The following MRPS35 variants were observed in gnomAD, a reference collection of about 807,000 sequenced individuals.
MRPS35 encodes the protein small ribosomal subunit protein mS35.
Under a neutral mutation model 32.7 loss-of-function variants are expected in MRPS35, and 29 were observed. That is an observed-to-expected ratio of 0.89 (90% CI 0.66 to 1.21). The LOEUF (loss-of-function observed/expected upper bound fraction) is 1.21, where lower values mean the gene tolerates loss of function less well. Among genes scored for constraint, MRPS35 ranks in the 50% most tolerant of loss-of-function variants. The probability of loss-of-function intolerance (pLI) is 0.00; values close to 1 mark genes in which losing one functional copy is unlikely to be tolerated. For synonymous variants in MRPS35, 148 were observed against 139.3 expected (o/e 1.06, Z -0.44); for missense variants, 373 against 383.8 (o/e 0.97, Z 0.23).
At chr12:27,712,219 G>A (rs2061829511) in intron 1 of MRPS35, among the ~76,000 whole-genome samples, 2 of 152,152 alleles carry the variant, frequency 1.3e-5, no homozygotes, top group Non-Finnish European at 1.5e-5. Flanking sequence ...AACAATCTGA[G>A]GGGTGTGATC....
intron 5 of MRPS35, among the ~76,000 whole-genome samples, chr12:27,734,217 TC>T (rs1330186887): frequency 3.3e-5 from 5 of 151,946 alleles, no homozygotes; most frequent in African/African-American, 1.2e-4. Flanking sequence ...TTAACTGTAT[TC>T]TGGTGTGTAA....
At chr12:27,735,660 G>C (rs568460172) in intron 6 of MRPS35, 104 bp downstream of exon 6, 102 of 804,452 alleles carry the variant, frequency 1.3e-4, no homozygotes, top group Admixed American at 1.2e-3. Context: ...ATGGGGGAGG[G>C]CGTAGCCTTT....
At chr12:27,723,617 A>G (rs1472533376) in intron 4 of MRPS35, among the ~76,000 whole-genome samples, 5 of 149,618 alleles carry the variant, frequency 3.3e-5, no homozygotes, top group South Asian at 2.1e-4. Context: ...AGAGCTTTCA[A>G]TTCCTTTCAG....
At chr12:27,715,408 T>G (rs2061845598) in intron 2 of MRPS35, among the ~76,000 whole-genome samples, 1 of 152,194 alleles carries the variant, frequency 6.6e-6, no homozygotes, top group Admixed American at 6.5e-5. Flanking sequence ...ATTACAGGCG[T>G]GAGCTACTGC....
chr12:27,712,897 A>G (rs920616143), intron 1 of MRPS35, among the ~76,000 whole-genome samples: 1 of 152,192 alleles, frequency 6.6e-6, no homozygotes, highest in Admixed American at 6.5e-5. Context: ...CCATGCCTGT[A>G]GTTCCAGCTA....
chr12:27,719,598 G>A (rs1435413578), intron 3 of MRPS35, among the ~76,000 whole-genome samples: 3 of 151,412 alleles, frequency 2.0e-5, no homozygotes, highest in Admixed American at 1.3e-4. Flanking sequence ...CCCGGGAAGC[G>A]GAGCTTGCAG....
intron 5 of MRPS35, among the ~76,000 whole-genome samples, chr12:27,724,756 A>G (rs1328268027): frequency 6.6e-6 from 1 of 151,730 alleles, no homozygotes; most frequent in Non-Finnish European, 1.5e-5. Context: ...AAAAAAAAAA[A>G]TTACAAAATT....
intron 7 of MRPS35, among the ~76,000 whole-genome samples, chr12:27,751,513 A>AC (rs1358550392): frequency 6.6e-6 from 1 of 151,180 alleles, no homozygotes; most frequent in African/African-American, 2.4e-5. Context: ...TACACTGTCC[A>AC]CCTTTATCTC....
rs746663317 is a variant in MRPS35 at position 27,724,141 on chromosome 12, A to G, written c.477A>G (p.Ser159=). The change falls in exon 5 of 8, where the codon TCA becomes TCG. Residue 159 remains serine, a synonymous_variant. Transcript: ENST00000081029. ...TTGACAGCACTGATTATGTTTCATC[A>G]GGACCATCTGTTCGGAACCCCAGAG... The part of the protein sequence containing the change: ...IEIDSTDYVS[S]GPSVRNPRAR... 3.1e-6 allele frequency: 5 copies of G among 1,611,210 alleles called. No homozygotes were observed. The highest frequency in any genetic ancestry group is 4.2e-6 in the Non-Finnish European group (5 of 1,178,996).
At chr12:27,745,652 T>A (rs139848837) in intron 7 of MRPS35, among the ~76,000 whole-genome samples, 2,011 of 152,190 alleles carry the variant, frequency 0.013, 43 homozygotes, top group African/African-American at 0.044. Flanking sequence ...ATGTGCCATG[T>A]TGGTGTGCTG....
At chr12:27,711,053 C>CG (rs1426133611) in intron 1 of MRPS35, 98 bp downstream of exon 1, 13 of 1,120,092 alleles carry the variant, frequency 1.2e-5, no homozygotes, top group Non-Finnish European at 1.7e-5. Flanking sequence ...CAGCGCCGCC[C>CG]GGGGGAGGCC....
At chr12:27,718,669 C>T (rs1260749213) in intron 3 of MRPS35, among the ~76,000 whole-genome samples, 1 of 152,200 alleles carries the variant, frequency 6.6e-6, no homozygotes, top group Non-Finnish European at 1.5e-5. Context: ...ATATTCCTAA[C>T]TTCATTAAAC....
At position 27,755,984 on chromosome 12, in the gene MRPS35, GT is replaced by G; in HGVS notation, c.*537del. ...TAAAAAGATATGTTGATTCAACTTT[GT>G]TTAGCATCCTACTTTCTAGATTGTG... On this transcript the variant is annotated 3_prime_UTR_variant, in exon 8 of 8. Transcript: ENST00000081029. The G allele has an allele frequency of 6.6e-6, 1 of 152,344 alleles. No homozygotes were observed. The highest frequency in any genetic ancestry group is 2.4e-5 in the African/African-American group (1 of 41,574). 9.4% of individuals were successfully genotyped at this position (152,344 alleles called of 1,614,324 possible). A position where few individuals can be genotyped will look rare whatever the true frequency, so the allele number is the denominator to read the frequency against.
chr12:27,746,973 T>C (rs1380680418), intron 7 of MRPS35, among the ~76,000 whole-genome samples: 3 of 152,150 alleles, frequency 2.0e-5, no homozygotes, highest in African/African-American at 7.2e-5. Context: ...ACTGTTAGAG[T>C]AATTGTTCAA....
chr12:27,736,359 T>C (rs1460384406), intron 6 of MRPS35, among the ~76,000 whole-genome samples: 1 of 152,206 alleles, frequency 6.6e-6, no homozygotes, highest in Non-Finnish European at 1.5e-5. Context: ...TATTACCATA[T>C]GGGAGAAAGT....
At chr12:27,714,383 T>G (rs948920073) in intron 1 of MRPS35, among the ~76,000 whole-genome samples, 4 of 152,012 alleles carry the variant, frequency 2.6e-5, no homozygotes, top group Admixed American at 2.6e-4. Context: ...GTCAGCAGTT[T>G]GAGACCAGCC....
chr12:27,716,736 CT>C (rs1329612879), intron 3 of MRPS35, among the ~76,000 whole-genome samples: 1 of 152,182 alleles, frequency 6.6e-6, no homozygotes, highest in Non-Finnish European at 1.5e-5. Context: ...GCCTGTAATC[CT>C]GGCACTTTGG....
At chr12:27,748,142 T>C (rs544929225) in intron 7 of MRPS35, among the ~76,000 whole-genome samples, 5 of 152,300 alleles carry the variant, frequency 3.3e-5, no homozygotes, top group African/African-American at 9.6e-5. Flanking sequence ...ATTTCCTCGA[T>C]TGTGTTAAGC....
chr12:27,729,321 A>G (rs1299479821), intron 5 of MRPS35, among the ~76,000 whole-genome samples: 3 of 152,144 alleles, frequency 2.0e-5, no homozygotes, highest in Non-Finnish European at 2.9e-5. Flanking sequence ...TTTACAGACC[A>G]TGATCTGGAT....
Sources: allele counts gnomAD v4.1 joint callset (sites outside exome capture counted in the v4.1 genomes callset), GRCh38; gene constraint gnomAD v4.1.1; transcripts MANE v1.5; gene names NCBI Gene and HGNC (gene_info 2026-07-23, HGNC 2026-07-21).